The following CMYA5 variants were observed in gnomAD, a reference collection of about 807,000 sequenced individuals.
CMYA5 encodes the protein cardiomyopathy-associated protein 5.
Under a neutral mutation model 318.9 loss-of-function variants are expected in CMYA5, and 246 were observed. The ratio of observed to expected loss-of-function variants is 0.77; its 90% CI spans 0.70 to 0.86. The LOEUF (loss-of-function observed/expected upper bound fraction) is 0.86, where lower values mean the gene tolerates loss of function less well. CMYA5 is among the 40% of genes least tolerant of loss of function. CMYA5 has a pLI of 0.00. For missense variants in CMYA5, 4,589 were observed against 4,678.2 expected (o/e 0.98, Z 0.56); for synonymous variants, 1,641 against 1,729.5 (o/e 0.95, Z 1.27).
At chr5:79,758,730 A>G in intron 6 of CMYA5, 23 bp from the exon 7 acceptor site, 1 of 1,573,186 alleles carries the variant, frequency 6.4e-7, no homozygotes, top group Non-Finnish European at 8.6e-7. Context: ...CATTAGTTAC[A>G]ATAAAACTTG....
rs1827864124 is a variant in CMYA5 at position 79,730,437 on chromosome 5, A to G, written c.1672A>G (p.Lys558Glu). 7 of 1,613,822 alleles carry G rather than the reference A, an allele frequency of 4.3e-6. No homozygotes were observed. In the South Asian group the frequency reaches 6.6e-5, roughly 15 times the overall value. Residue 558 changes from lysine (K) to glutamate (E), a missense_variant, in exon 2 of 13, where the codon AAA becomes GAA. This residue lies in a region of CMYA5 where 2,132 missense variants were observed against 2,131.3 expected (regional missense o/e 1.00). Coordinates refer to ENST00000446378, the MANE Select transcript of CMYA5 (RefSeq NM_153610.5). Reference protein sequence around the residue: ...PPHMSPEVEHKEEELILPLLA... With the variant: ...PPHMSPEVEHEEEELILPLLA... ...ACATATGTCCCCTGAAGTGGAGCAC[A>G]AAGAAGAAGAGCTTATTCTACCATT...
At chr5:79,756,750 T>G (rs1266905974) in intron 6 of CMYA5, among the ~76,000 whole-genome samples, 1 of 152,238 alleles carries the variant, frequency 6.6e-6, no homozygotes, top group East Asian at 1.9e-4. Context: ...ACCTTCTTGC[T>G]GAACTGATCT....
At chr5:79,698,605 T>C (rs1343931305) in intron 1 of CMYA5, among the ~76,000 whole-genome samples, 1 of 152,196 alleles carries the variant, frequency 6.6e-6, no homozygotes, top group African/African-American at 2.4e-5. Context: ...ACTCTTCAGG[T>C]TTTGGTGCAA....
In CMYA5 at chr5:79,737,234, A is replaced by C. The variant is rs771759035; in HGVS notation, c.8469A>C (p.Gly2823=). 6 of 1,613,616 alleles carry C rather than the reference A, an allele frequency of 3.7e-6. No homozygotes were observed. Among genetic ancestry groups the C allele is most frequent in the Admixed American group, 1.7e-5 (1 of 59,932 alleles). The change falls in exon 2 of 13, where the codon GGA becomes GGC. Residue 2823 remains glycine (G), a synonymous_variant. Coordinates refer to ENST00000446378, the MANE Select transcript of CMYA5 (RefSeq NM_153610.5). ...TAAAACCACAAACTCTTGCTTCAGG[A>C]GCTTCTCCAGAAATTAACGCAGTGA... ...SPVKPQTLAS[G]ASPEINAVKK... is the part of the protein sequence containing the mutation.
chr5:79,692,217 CTGAG>C lies in CMYA5; in HGVS notation c.149+2167_149+2170del, dbSNP rs371073593. 1.3e-4 allele frequency among the ~76,000 whole-genome samples: 20 copies of C among 152,248 alleles called. No homozygotes were observed. The East Asian group carries it at 2.7e-3, about 21-fold the overall frequency. On this transcript the variant is annotated intron_variant, in intron 1 of 12. Coordinates refer to ENST00000446378, the MANE Select transcript of CMYA5 (RefSeq NM_153610.5). ...ATCTCCCCACCTCCACCATCACGGC[CTGAG>C]TGAGTTTTTCAGGTTAGCTTTGGAA...
At chr5:79,759,258 C>T (rs916818556) in intron 7 of CMYA5, among the ~76,000 whole-genome samples, 2 of 152,182 alleles carry the variant, frequency 1.3e-5, no homozygotes, top group African/African-American at 4.8e-5. Context: ...TTTAACAGTA[C>T]GAAAGCCTGA....
rs182147756 is a variant in CMYA5, at chr5:79,747,507, A to G, written c.10991+394A>G. ...TTTATGATTTATGTAATTTTAATGAACTGTTCTATCATTTTCTCTTCAAAA... is the reference window on the plus strand; with the variant it reads ...TTTATGATTTATGTAATTTTAATGAGCTGTTCTATCATTTTCTCTTCAAAA... On this transcript the variant is annotated intron_variant, in intron 5 of 12. Transcript: ENST00000446378. Among the ~76,000 whole-genome samples the G allele has an allele frequency of 4.1e-4, 62 of 152,306 alleles. 1 individual carries two copies. The East Asian group carries it at 0.012, about 28-fold the overall frequency.
rs1222279090 is a variant in CMYA5 at position 79,737,466 on chromosome 5, G to T, written c.8701G>T (p.Ala2901Ser). 1.2e-6 allele frequency: 2 copies of T among 1,613,650 alleles called. No homozygotes were observed. The highest frequency in any genetic ancestry group is 3.3e-5 in the Admixed American group (2 of 59,950). The part of the protein sequence containing the change: ...NYAQFISNTS[A>S]SNADKMVSNK... ...TGCTCAATTTATATCTAATACATCA[G>T]CAAGCAATGCTGATAAAATGGTTTC... The change falls in exon 2 of 13, where the codon GCA becomes TCA. Residue 2901 changes from alanine (A) to serine (S), a missense_variant. This residue lies in a region of CMYA5 where 2,431 missense variants were observed against 2,495.1 expected (regional missense o/e 0.97). Coordinates refer to ENST00000446378, the MANE Select transcript of CMYA5 (RefSeq NM_153610.5).
intron 1 of CMYA5, among the ~76,000 whole-genome samples, chr5:79,715,058 A>G (rs1004083019): frequency 6.6e-6 from 1 of 152,174 alleles, no homozygotes; most frequent in Admixed American, 6.5e-5. Context: ...TTTTTATAAC[A>G]AGAATGTTTT....
In CMYA5 at chr5:79,712,102, C is replaced by T. The variant is rs1315749274; in HGVS notation, c.150-16813C>T. Among the ~76,000 whole-genome samples the T allele has an allele frequency of 2.6e-5, 4 of 152,202 alleles. No individual in the cohort carries two copies. The East Asian group carries it at 7.7e-4, about 29-fold the overall frequency. ...CCCAAGTCTGTCTGCTGGCACCAGG[C>T]AAAGGGGTCCTCTCTCCTGAAACTC... is the stretch of plus-strand genomic sequence containing the variant. On this transcript the variant is annotated intron_variant, in intron 1 of 12. Coordinates refer to ENST00000446378, the MANE Select transcript of CMYA5 (RefSeq NM_153610.5).
chr5:79,708,982 G>C (rs1827327621), intron 1 of CMYA5, among the ~76,000 whole-genome samples: 1 of 152,046 alleles, frequency 6.6e-6, no homozygotes, highest in Non-Finnish European at 1.5e-5. Context: ...TTTTAAAAAT[G>C]GTAGTTACCA....
intron 9 of CMYA5, among the ~76,000 whole-genome samples, chr5:79,777,810 T>C (rs1311553882): frequency 6.6e-6 from 1 of 152,040 alleles, no homozygotes; most frequent in East Asian, 1.9e-4. Context: ...TTTTTTAAGT[T>C]TTATTTTATT....
chr5:79,701,495 ATAAAT>A (rs139178294), intron 1 of CMYA5, among the ~76,000 whole-genome samples: 7,423 of 152,248 alleles, frequency 0.049, 635 homozygotes, highest in African/African-American at 0.17. Context: ...ATCAATAAAA[ATAAAT>A]TAAAATCTCA....
chr5:79,693,336 A>ATTTTTTTTTTTTTTTTTT (rs11319092), intron 1 of CMYA5, among the ~76,000 whole-genome samples: 2 of 135,634 alleles, frequency 1.5e-5, no homozygotes, highest in African/African-American at 2.8e-5. Context: ...AAGTCACACA[A>ATTTTTTTTTTTTTTTTTT]TTTTTTTTTT....
intron 9 of CMYA5, among the ~76,000 whole-genome samples, chr5:79,764,986 A>G (rs1828723787): frequency 6.6e-6 from 1 of 152,066 alleles, no homozygotes; most frequent in Non-Finnish European, 1.5e-5. Context: ...GATGCTCTTT[A>G]GTTTAATTAG....
intron 1 of CMYA5, among the ~76,000 whole-genome samples, chr5:79,711,162 T>G (rs895929688): frequency 2.0e-5 from 3 of 152,250 alleles, no homozygotes; most frequent in Non-Finnish European, 4.4e-5. Context: ...GACTTCTTTT[T>G]ATAAGTTCTA....
Position 79,736,544 on chromosome 5 carries a change from A to G in CMYA5, c.7779A>G (p.Ser2593=). 6.2e-7 allele frequency: 1 copy of G among 1,613,672 alleles called. No homozygotes were observed. The change falls in exon 2 of 13, where the codon TCA becomes TCG. Residue 2593 remains serine (S), a synonymous_variant. Coordinates refer to ENST00000446378, the MANE Select transcript of CMYA5 (RefSeq NM_153610.5). The part of the protein sequence containing the change: ...TQSFSLVKAT[S]VTEKSEAMLA... ...CATTTTCATTAGTTAAAGCTACATC[A>G]GTTACTGAAAAATCAGAAGCCATGC...
At chr5:79,768,802 G>A (rs940158353) in intron 9 of CMYA5, among the ~76,000 whole-genome samples, 4 of 152,130 alleles carry the variant, frequency 2.6e-5, no homozygotes, top group Non-Finnish European at 5.9e-5. Flanking sequence ...GAGTATCTTT[G>A]TGGTGGTCTC....
intron 12 of CMYA5, among the ~76,000 whole-genome samples, chr5:79,795,693 C>T (rs1482035108): frequency 1.3e-5 from 2 of 152,284 alleles, no homozygotes; most frequent in African/African-American, 2.4e-5. Context: ...TGAAGAGGGG[C>T]AGCCAGGAAG....
Sources: gnomAD v4.1 joint callset for allele counts (sites outside exome capture counted in the v4.1 genomes callset) on GRCh38, gnomAD v4.1.1 for gene constraint, gnomAD v4.1.1 regional missense constraint, MANE v1.5 for transcripts, NCBI Gene and HGNC (gene_info 2026-07-23, HGNC 2026-07-21) for gene names.